FAM222B: variants seen among roughly 807,000 people sequenced by gnomAD.
FAM222B encodes protein FAM222B.
A neutral mutation model predicts 38.0 loss-of-function variants in FAM222B; 12 were observed. That is an observed-to-expected ratio of 0.32 (90% CI 0.20 to 0.51). The LOEUF (loss-of-function observed/expected upper bound fraction) is 0.51. Ranked by LOEUF, FAM222B falls within the 20% of genes least tolerant of loss-of-function variation. The probability of loss-of-function intolerance (pLI) is 0.97; values close to 1 mark genes in which losing one functional copy is unlikely to be tolerated. For missense variants in FAM222B, 716 were observed against 754.2 expected, an observed-to-expected ratio of 0.95 and a Z score of 0.59; for synonymous variants, 329 against 317.2, an observed-to-expected ratio of 1.04 and a Z score of -0.40.
At chr17:28,839,593 A>G (rs1014830589) in intron 1 of FAM222B, among the ~76,000 whole-genome samples, 1 of 152,180 alleles carries the variant, frequency 6.6e-6, no homozygotes, top group Non-Finnish European at 1.5e-5. Flanking sequence ...TAAATGTCCA[A>G]CTATTAAAAA....
rs553247264 is a variant in FAM222B at position 28,764,311 on chromosome 17, C to T, written c.82+2275G>A. On this transcript the variant is annotated intron_variant, in intron 2 of 2. Coordinates refer to ENST00000581407, the MANE Select transcript of FAM222B (RefSeq NM_001077498.3). ...AAAAAAAAAGGGCCGGGCATGGTGGCTCATGCCTGTAATCCCACTACTCAG... is the reference window on the plus strand; with the variant it reads ...AAAAAAAAAGGGCCGGGCATGGTGGTTCATGCCTGTAATCCCACTACTCAG... Among the ~76,000 whole-genome samples, 4 of 148,026 alleles carry T rather than the reference C, an allele frequency of 2.7e-5. No individual in the cohort carries two copies. In the South Asian group the frequency reaches 8.6e-4, roughly 32 times the overall value.
At chr17:28,821,919 T>C (rs935732136) in intron 1 of FAM222B, among the ~76,000 whole-genome samples, 1 of 151,916 alleles carries the variant, frequency 6.6e-6, no homozygotes, top group African/African-American at 2.4e-5. Flanking sequence ...GAGCCGAGAT[T>C]GCACCATTGC....
In FAM222B at chr17:28,757,050, G is replaced by A. The variant is rs1339874488; in HGVS notation, c.*1220C>T. 6.6e-6 allele frequency: 1 copy of A among 152,630 alleles called. No individual in the cohort carries two copies. The highest frequency in any genetic ancestry group is 1.5e-5 in the Non-Finnish European group (1 of 68,048). The allele number at this position is 152,630 out of a possible 1,614,324, so 9.5% of individuals were successfully genotyped here. A position where few individuals can be genotyped will look rare whatever the true frequency, so the allele number is the denominator to read the frequency against. On this transcript the variant is annotated 3_prime_UTR_variant, in exon 3 of 3. Coordinates refer to ENST00000581407, the MANE Select transcript of FAM222B (RefSeq NM_001077498.3). ...GTTTCTAGCCAACTAATTGTCGCTT[G>A]GGATGAGACGTGCTGAGCATGGAGT...
At chr17:28,772,234 A>G (rs1260608891) in intron 1 of FAM222B, among the ~76,000 whole-genome samples, 1 of 152,162 alleles carries the variant, frequency 6.6e-6, no homozygotes, top group Non-Finnish European at 1.5e-5. Context: ...TTTTGGAAAG[A>G]ACCAATCTTT....
At chr17:28,764,873 T>A (rs1288333840) in intron 2 of FAM222B, among the ~76,000 whole-genome samples, 1 of 152,180 alleles carries the variant, frequency 6.6e-6, no homozygotes, top group Non-Finnish European at 1.5e-5. Flanking sequence ...TCAGAGTGTG[T>A]TAAGGAACCC....
intron 1 of FAM222B, among the ~76,000 whole-genome samples, chr17:28,832,746 T>C (rs1416321718): frequency 6.6e-6 from 1 of 152,058 alleles, no homozygotes; most frequent in Non-Finnish European, 1.5e-5. Flanking sequence ...GACAGAGAAA[T>C]ACATAAGTCT....
At chr17:28,835,532 G>A (rs2038814620) in intron 1 of FAM222B, among the ~76,000 whole-genome samples, 1 of 152,062 alleles carries the variant, frequency 6.6e-6, no homozygotes, top group East Asian at 1.9e-4. Context: ...CTTACTGGTA[G>A]AAAAAAAGAC....
intron 1 of FAM222B, among the ~76,000 whole-genome samples, chr17:28,834,045 CCTT>C (rs1341403388): frequency 6.6e-6 from 1 of 152,154 alleles, no homozygotes; most frequent in East Asian, 1.9e-4. Context: ...TTTGACAACT[CCTT>C]CTTCTTTACC....
At chr17:28,777,816 C>G (rs958360965) in intron 1 of FAM222B, among the ~76,000 whole-genome samples, 1 of 151,346 alleles carries the variant, frequency 6.6e-6, no homozygotes, top group Non-Finnish European at 1.5e-5. Flanking sequence ...GAGACAAGGT[C>G]TCACTTAGGT....
intron 1 of FAM222B, among the ~76,000 whole-genome samples, chr17:28,838,424 C>CA (rs1390946612): frequency 1.3e-5 from 2 of 150,570 alleles, no homozygotes; most frequent in Middle Eastern, 3.5e-3. Flanking sequence ...ACTAAAAATA[C>CA]AAAAAATTAG....
intron 1 of FAM222B, among the ~76,000 whole-genome samples, chr17:28,841,125 T>C (rs1240307874): frequency 2.0e-5 from 3 of 151,824 alleles, no homozygotes; most frequent in African/African-American, 4.8e-5. Context: ...TGAAACCCCA[T>C]CTCTACTAAA....
chr17:28,780,313 G>T (rs368656495), intron 1 of FAM222B, among the ~76,000 whole-genome samples: 1 of 151,924 alleles, frequency 6.6e-6, no homozygotes, highest in Non-Finnish European at 1.5e-5. Context: ...CATCTAAATC[G>T]GAAAGGAAGT....
intron 1 of FAM222B, among the ~76,000 whole-genome samples, chr17:28,821,508 G>A (rs746268965): frequency 1.3e-5 from 2 of 152,190 alleles, no homozygotes; most frequent in South Asian, 2.1e-4. Flanking sequence ...TTTGACAGCT[G>A]AGAAAACTGA....
chr17:28,792,745 C>G (rs756004635), intron 1 of FAM222B, among the ~76,000 whole-genome samples: 1 of 149,322 alleles, frequency 6.7e-6, no homozygotes, highest in Non-Finnish European at 1.5e-5. Context: ...CACATCATTT[C>G]ACTCCAGCCT....
At chr17:28,764,523 C>T (rs894506622) in intron 2 of FAM222B, among the ~76,000 whole-genome samples, 46 of 151,906 alleles carry the variant, frequency 3.0e-4, no homozygotes, top group Non-Finnish European at 4.7e-4. Context: ...CCGAGGCAGG[C>T]GGATCACCTG....
At chr17:28,812,625 C>A (rs2037838729) in intron 1 of FAM222B, among the ~76,000 whole-genome samples, 1 of 152,142 alleles carries the variant, frequency 6.6e-6, no homozygotes, top group Non-Finnish European at 1.5e-5. Flanking sequence ...CCCGCGGACC[C>A]GGCCCGACTC....
intron 1 of FAM222B, among the ~76,000 whole-genome samples, chr17:28,827,604 T>G (rs140475731): frequency 2.4e-4 from 36 of 152,294 alleles, no homozygotes; most frequent in Admixed American, 5.9e-4. Flanking sequence ...CAGGGAAGAC[T>G]TCACAGAAGA....
upstream of FAM222B, among the ~76,000 whole-genome samples, chr17:28,847,552 CCA>C (rs1303903118): frequency 6.6e-6 from 1 of 151,988 alleles, no homozygotes; most frequent in African/African-American, 2.4e-5. Context: ...CGAGATCGTG[CCA>C]CTGCACTGCA....
At chr17:28,836,380 G>C (rs141762747) in intron 1 of FAM222B, among the ~76,000 whole-genome samples, 13 of 151,948 alleles carry the variant, frequency 8.6e-5, no homozygotes, top group Non-Finnish European at 1.8e-4. Context: ...GCCAGCATAC[G>C]CCTGTAATCC....
Sources: allele counts gnomAD v4.1 joint callset (sites outside exome capture counted in the v4.1 genomes callset), GRCh38; gene constraint gnomAD v4.1.1; transcripts MANE v1.5; gene names NCBI Gene and HGNC (gene_info 2026-07-23, HGNC 2026-07-21).